Variants in RNF123 observed in about 807,000 individuals in gnomAD.
The protein encoded by RNF123 is E3 ubiquitin-protein ligase RNF123.
RNF123 carries 86 observed loss-of-function variants against 168.5 expected under a neutral mutation model. That is an observed-to-expected ratio of 0.51 (90% CI 0.43 to 0.61). The LOEUF is 0.61. Among genes scored for constraint, RNF123 ranks in the 20% least tolerant of loss-of-function variants. The probability of loss-of-function intolerance (pLI) is 0.00; values close to 1 mark genes in which losing one functional copy is unlikely to be tolerated. For synonymous variants in RNF123, 666 were observed against 689.1 expected (o/e 0.97, Z 0.52); for missense variants, 1,419 against 1,729.7 (o/e 0.82, Z 3.19).
intron 35 of RNF123, chr3:49,719,730 G>A (rs2080350236): frequency 2.4e-6 from 1 of 420,092 alleles, no homozygotes; most frequent in Admixed American, 4.1e-5. Flanking sequence ...CCAGGGGCGG[G>A]GCCCGGGCTC....
chr3:49,718,471 A>G lies in RNF123; in HGVS notation c.3500+1994A>G, dbSNP rs368808320. 1.9e-6 allele frequency: 3 copies of G among 1,612,996 alleles called. No individual in the cohort carries two copies. The highest frequency in any genetic ancestry group is 2.7e-5 in the African/African-American group (2 of 75,072). The stretch of plus-strand genomic sequence containing the variant: ...GCCTATGGCCAAGCTGCCGTCGGCC[A>G]GCACCGCGATGCTGCCATCGCGGGA... On this transcript the variant is annotated intron_variant, in intron 35 of 38. Coordinates refer to ENST00000327697, the MANE Select transcript of RNF123 (RefSeq NM_022064.5).
At position 49,690,264 on chromosome 3, in the gene RNF123, C is replaced by T. The variant is rs536188573; in HGVS notation, c.-37+658C>T. 2.0e-5 allele frequency among the ~76,000 whole-genome samples: 3 copies of T among 152,378 alleles called. No homozygotes were observed. The South Asian group carries it at 6.2e-4, about 32-fold the overall frequency. On this transcript the variant is annotated intron_variant, in intron 1 of 38. Transcript: ENST00000327697. ...ATGGTGGGAACGTTCTACCTTTGTGCTGTCCAACAGAGTAACCATTAGCCA... is the reference window on the plus strand; with the variant it reads ...ATGGTGGGAACGTTCTACCTTTGTGTTGTCCAACAGAGTAACCATTAGCCA...
rs2108209575 is a variant in RNF123 at position 49,721,343 on chromosome 3, G to A, written c.*38G>A. The A allele has an allele frequency of 1.9e-6, 3 of 1,613,976 alleles. No homozygotes were observed. The highest frequency in any genetic ancestry group is 2.5e-6 in the Non-Finnish European group (3 of 1,179,956). On this transcript the variant is annotated 3_prime_UTR_variant, in exon 39 of 39. Transcript: ENST00000327697. ...GTGCCATCCTGGAACCTCCACCTTT[G>A]AACCCAGAGCCAGGCTGGGCCCTAT... is the stretch of plus-strand genomic sequence containing the variant.
In RNF123 at chr3:49,698,474, A is replaced by G. The variant is rs1420521996; in HGVS notation, c.518A>G (p.Tyr173Cys). ...GGAGATACACACAACTCCTATGCCT[A>G]TGATGGCAACCGCGTGCGCAAGTGG... ...GVGDTHNSYA[Y>C]DGNRVRKWNV... The change falls in exon 8 of 39, where the codon TAT (tyrosine) becomes TGT (cysteine). Residue 173 changes from tyrosine (Y) to cysteine (C), a missense_variant. This residue lies in a region of RNF123 where 318 missense variants were observed against 446.6 expected (regional missense o/e 0.71). Coordinates refer to ENST00000327697, the MANE Select transcript of RNF123 (RefSeq NM_022064.5). 1 of 1,613,862 alleles carries G rather than the reference A, an allele frequency of 6.2e-7. No homozygotes were observed. The highest frequency in any genetic ancestry group is 1.3e-5 in the African/African-American group (1 of 74,940).
At position 49,699,421 on chromosome 3, in the gene RNF123, G is replaced by T; in HGVS notation, c.765-47G>T. On this transcript the variant is annotated intron_variant, in intron 10 of 38. Coordinates refer to ENST00000327697, the MANE Select transcript of RNF123 (RefSeq NM_022064.5). This position sits in a 1 kb window ranked among gnomAD's most constrained non-coding sequence, Gnocchi z 4.8. Reference sequence around the variant, plus strand: ...GGGGGTGGGCAGTGGAGAGGGAGTAGGCATGTCTGAGCCACAGATAAGGCG... The same window carrying T: ...GGGGGTGGGCAGTGGAGAGGGAGTATGCATGTCTGAGCCACAGATAAGGCG... 1 of 1,478,560 alleles carries T rather than the reference G, an allele frequency of 6.8e-7. No individual in the cohort carries two copies. The highest frequency in any genetic ancestry group is 1.2e-5 in the South Asian group (1 of 82,900). 91.6% of individuals were successfully genotyped at this position (1,478,560 alleles called of 1,614,324 possible).
At chr3:49,718,648 C>T (rs2080308564) in intron 35 of RNF123, 1 of 1,613,034 alleles carries the variant, frequency 6.2e-7, no homozygotes, top group East Asian at 2.2e-5. Flanking sequence ...GGCCGACGAG[C>T]AGTTCTCAAA....
Position 49,718,102 on chromosome 3 carries a change from A to C in RNF123, c.3500+1625A>C, listed in dbSNP as rs1316469236. The C allele has an allele frequency of 1.6e-5, 26 of 1,613,440 alleles. No individual in the cohort carries two copies. Among genetic ancestry groups the C allele is most frequent in the African/African-American group, 2.7e-5 (2 of 74,946 alleles). ...GCCCCTCCGGCCTGGCTCCAGAAAGACTACGTGCTTGTGGACGCTGGCCTT... is the reference window on the plus strand; with the variant it reads ...GCCCCTCCGGCCTGGCTCCAGAAAGCCTACGTGCTTGTGGACGCTGGCCTT... On this transcript the variant is annotated intron_variant, in intron 35 of 38. Coordinates refer to ENST00000327697, the MANE Select transcript of RNF123 (RefSeq NM_022064.5).
intron 26 of RNF123, among the ~76,000 whole-genome samples, chr3:49,707,342 T>A (rs1244843398): frequency 6.6e-6 from 1 of 152,300 alleles, no homozygotes; most frequent in Non-Finnish European, 1.5e-5. Flanking sequence ...TTCAATAACA[T>A]GCACTCAAAA....
chr3:49,719,208 C>T (rs1485205801), intron 35 of RNF123: 7 of 1,613,134 alleles, frequency 4.3e-6, no homozygotes, highest in African/African-American at 2.7e-5. Flanking sequence ...GGGCGCGCAG[C>T]TGGAAGAGGG....
At chr3:49,718,919 T>C in intron 35 of RNF123, 4 of 1,613,628 alleles carry the variant, frequency 2.5e-6, no homozygotes, top group Non-Finnish European at 3.4e-6. Context: ...AGCAGGTGGG[T>C]GGCGCTCAGA....
chr3:49,692,506 T>C (rs1050482054), intron 3 of RNF123, among the ~76,000 whole-genome samples: 1 of 152,212 alleles, frequency 6.6e-6, no homozygotes, highest in African/African-American at 2.4e-5. Context: ...TATACTCTTT[T>C]AGTTATTTTT....
At chr3:49,713,285 T>G in intron 27 of RNF123, 1 of 598,072 alleles carries the variant, frequency 1.7e-6, no homozygotes, top group Non-Finnish European at 3.0e-6. Flanking sequence ...TGAGCCCAGG[T>G]CAGGGCTCCT....
intron 24 of RNF123, 79 bp from the exon 25 acceptor site, chr3:49,705,903 T>C: frequency 6.6e-7 from 1 of 1,516,920 alleles, no homozygotes; most frequent in Non-Finnish European, 9.1e-7. Context: ...TTGGCAGGGC[T>C]GGGGTCCAGA....
At chr3:49,704,528 G>T in intron 21 of RNF123, 122 bp from the exon 22 acceptor site, 1 of 765,842 alleles carries the variant, frequency 1.3e-6, no homozygotes, top group Non-Finnish European at 2.1e-6. Flanking sequence ...CAGATACGGT[G>T]CTAAACCGGG....
chr3:49,696,837 G>C (rs1356640565), intron 3 of RNF123, among the ~76,000 whole-genome samples: 1 of 148,670 alleles, frequency 6.7e-6, no homozygotes, highest in Non-Finnish European at 1.5e-5. Context: ...AGTAGGGATG[G>C]GGTTTCACCA....
At chr3:49,716,212 A>C (rs776120903) in intron 34 of RNF123, 35 bp downstream of exon 34, 4 of 1,606,308 alleles carry the variant, frequency 2.5e-6, no homozygotes, top group Non-Finnish European at 3.4e-6. Context: ...CCAACACACT[A>C]CAGGCCTCGG....
At position 49,712,652 on chromosome 3, in the gene RNF123, C is replaced by A; in HGVS notation, c.2670C>A (p.Leu890=). The part of the protein sequence containing the change: ...YFGPVHSMEE[L]PGYEETLTRL... Reference sequence around the variant, plus strand: ...GTCCCGTGCACAGCATGGAGGAGCTCCCAGGTGATGGAACCATTCAGGCTG... The same window carrying A: ...GTCCCGTGCACAGCATGGAGGAGCTACCAGGTGATGGAACCATTCAGGCTG... The change falls in exon 27 of 39, where the codon CTC becomes CTA. Residue 890 remains leucine (L), a synonymous_variant. Transcript: ENST00000327697. 6.2e-7 allele frequency: 1 copy of A among 1,614,128 alleles called. No individual in the cohort carries two copies. The highest frequency in any genetic ancestry group is 8.5e-7 in the Non-Finnish European group (1 of 1,180,026).
chr3:49,717,771 G>T lies in RNF123; in HGVS notation c.3500+1294G>T, dbSNP rs545817988. On this transcript the variant is annotated intron_variant, in intron 35 of 38. Coordinates refer to ENST00000327697, the MANE Select transcript of RNF123 (RefSeq NM_022064.5). ...GGGGCAGAGCAGAAGGCAGGTTGGG[G>T]ACCACAACCCCTGTCTCTACCAGTG... 218 of 700,516 alleles carry T rather than the reference G, an allele frequency of 3.1e-4. 1 individual carries two copies. The East Asian group carries it at 3.5e-3, about 11-fold the overall frequency. The allele number at this position is 700,516 out of a possible 1,614,324, so 43.4% of individuals were successfully genotyped here.
rs756438811 is a variant in RNF123 at position 49,699,728 on chromosome 3, C to G, written c.940C>G (p.Leu314Val). Residue 314 changes from leucine to valine, a missense_variant, in exon 12 of 39, where the codon CTC (leucine) becomes GTC (valine). Transcript: ENST00000327697. This position sits in a 1 kb window ranked among gnomAD's most constrained non-coding sequence, Gnocchi z 4.8. The stretch of plus-strand genomic sequence containing the variant: ...GCGGTTGCGGGGCCAGCCCACCGTC[C>G]TCCTCACACTGGCCCACATCTTCCA... ...KWRLRGQPTV[L>V]LTLAHIFHHF... is the part of the protein sequence containing the mutation. 1.2e-6 allele frequency: 2 copies of G among 1,613,642 alleles called. No individual in the cohort carries two copies. The highest frequency in any genetic ancestry group is 1.7e-5 in the Admixed American group (1 of 60,004).
Sources: allele counts gnomAD v4.1 joint callset (sites outside exome capture counted in the v4.1 genomes callset), GRCh38; gene constraint gnomAD v4.1.1; regional missense constraint gnomAD v4.1.1; non-coding constraint Gnocchi (gnomAD v3.1); transcripts MANE v1.5; gene names NCBI Gene and HGNC (gene_info 2026-07-23, HGNC 2026-07-21).